The following SLC35F3 variants were observed in gnomAD, a reference collection of about 807,000 sequenced individuals.
SLC35F3 encodes the protein putative thiamine transporter SLC35F3.
Under a neutral mutation model 49.9 loss-of-function variants are expected in SLC35F3, and 25 were observed. That is an observed-to-expected ratio of 0.50 (90% CI 0.37 to 0.70). The LOEUF is 0.70. Ranked by LOEUF, SLC35F3 falls within the 30% of genes least tolerant of loss-of-function variation. The pLI, the probability that SLC35F3 is intolerant of heterozygous loss-of-function variation, is 0.00. For synonymous variants in SLC35F3, 275 were observed against 265.4 expected, an observed-to-expected ratio of 1.04 and a Z score of -0.35; for missense variants, 525 against 639.8, an observed-to-expected ratio of 0.82 and a Z score of 1.94.
chr1:234,322,239 TG>T (rs1238685366), intron 7 of SLC35F3, among the ~76,000 whole-genome samples: 1 of 150,330 alleles, frequency 6.7e-6, no homozygotes, highest in African/African-American at 2.4e-5. Flanking sequence ...ATGTAGAGAA[TG>T]GGGGCACAAA....
chr1:234,069,711 C>T (rs1664684679), intron 2 of SLC35F3, among the ~76,000 whole-genome samples: 1 of 152,160 alleles, frequency 6.6e-6, no homozygotes, highest in Non-Finnish European at 1.5e-5. Flanking sequence ...TCCCAAAGTC[C>T]CTGAGGTAGT....
intron 5 of SLC35F3, among the ~76,000 whole-genome samples, chr1:234,318,222 A>T (rs1305124848): frequency 6.6e-6 from 1 of 152,226 alleles, no homozygotes; most frequent in Admixed American, 6.5e-5. Context: ...TGTGCAAAAA[A>T]AGAACAGGTG....
intron 3 of SLC35F3, among the ~76,000 whole-genome samples, chr1:234,263,725 C>T (rs961522966): frequency 2.0e-5 from 3 of 152,230 alleles, no homozygotes; most frequent in Admixed American, 6.5e-5. Flanking sequence ...AGACAGCCAA[C>T]ACTTGAGATT....
chr1:234,025,601 G>A (rs1663965479), intron 2 of SLC35F3, among the ~76,000 whole-genome samples: 1 of 152,018 alleles, frequency 6.6e-6, no homozygotes, highest in African/African-American at 2.4e-5. Context: ...TATATTTGTT[G>A]GCCAGATGTA....
At chr1:234,174,621 A>C (rs1424863597) in intron 2 of SLC35F3, among the ~76,000 whole-genome samples, 1 of 152,106 alleles carries the variant, frequency 6.6e-6, no homozygotes, top group African/African-American at 2.4e-5. Context: ...GTTCCACTCC[A>C]CTGCGTGTAT....
intron 2 of SLC35F3, among the ~76,000 whole-genome samples, chr1:234,177,955 A>G (rs1666500601): frequency 6.6e-6 from 1 of 152,356 alleles, no homozygotes; most frequent in African/African-American, 2.4e-5. Flanking sequence ...CCGCCAAACA[A>G]GAACATCAGC....
At chr1:234,223,733 A>C (rs1029331281) in intron 2 of SLC35F3, among the ~76,000 whole-genome samples, 2 of 152,024 alleles carry the variant, frequency 1.3e-5, no homozygotes, top group African/African-American at 4.8e-5. Context: ...AGCACAGTAC[A>C]CTCTCTACTG....
chr1:233,947,497 C>T lies in SLC35F3; in HGVS notation c.283+41739C>T, dbSNP rs112925805. Among the ~76,000 whole-genome samples, 845 of 150,680 alleles carry T rather than the reference C, an allele frequency of 5.6e-3. 10 individuals are homozygous for T. The highest frequency in any genetic ancestry group is 0.019 in the African/African-American group (789 of 41,024). On this transcript the variant is annotated intron_variant, in intron 2 of 7. Transcript: ENST00000366618. ...CCATCTTCGATCCTGCTGGGACTCC[C>T]AGGAGGGATTTCCATGTCAGTCTCA...
At chr1:234,266,880 T>TG (rs1481425368) in intron 3 of SLC35F3, among the ~76,000 whole-genome samples, 4 of 148,598 alleles carry the variant, frequency 2.7e-5, no homozygotes, top group South Asian at 2.2e-4. Context: ...ATGGTTTTTT[T>TG]TTTTTTTTTT....
rs1667095548 is a variant in SLC35F3, at chr1:234,214,699, C to T, written c.284-16718C>T. ...GGTACTGCTCCCCCAGGACGCGGCT[C>T]CGCAGTGCAGAGCGCCGCCGCCTGC... On this transcript the variant is annotated intron_variant, in intron 2 of 7. Transcript: ENST00000366618. The surrounding 1 kb of genome is among the most constrained non-coding windows in gnomAD (Gnocchi z 8.0). 1.5e-6 allele frequency: 2 copies of T among 1,302,000 alleles called. No homozygotes were observed. The highest frequency in any genetic ancestry group is 1.8e-5 in the South Asian group (1 of 56,844). The allele number at this position is 1,302,000 out of a possible 1,614,324, so 80.7% of individuals were successfully genotyped here. A position where few individuals can be genotyped will look rare whatever the true frequency, so the allele number is the denominator to read the frequency against.
chr1:233,950,252 G>C (rs1156616375), intron 2 of SLC35F3, among the ~76,000 whole-genome samples: 1 of 151,720 alleles, frequency 6.6e-6, no homozygotes, highest in Non-Finnish European at 1.5e-5. Flanking sequence ...CTGGCGTGGT[G>C]GCAGGTGCCT....
At chr1:234,058,291 A>G (rs1664484943) in intron 2 of SLC35F3, among the ~76,000 whole-genome samples, 1 of 116,326 alleles carries the variant, frequency 8.6e-6, no homozygotes. Flanking sequence ...AGTCTCACTT[A>G]GTTATGGTGT....
rs1321387416 is a variant in SLC35F3 at position 234,309,243 on chromosome 1, G to C, written c.751G>C (p.Val251Leu). ...GAAAATAAACACTACGGATGTCTCC[G>C]TGTTGTTCTGCTGCAACAAAGCTTT... ...IKKINTTDVS[V>L]LFCCNKAFVF... The change falls in exon 4 of 8, where the codon GTG becomes CTG. Residue 251 changes from valine to leucine, a missense_variant. Around this residue, in one of 4 missense-constraint regions of SLC35F3, gnomAD observed 216 missense variants for 298.1 expected, o/e 0.72. Coordinates refer to ENST00000366618, the MANE Select transcript of SLC35F3 (RefSeq NM_173508.4). 2 of 1,614,210 alleles carry C rather than the reference G, an allele frequency of 1.2e-6. No individual in the cohort carries two copies. Among genetic ancestry groups the C allele is most frequent in the Non-Finnish European group, 1.7e-6 (2 of 1,180,030 alleles).
intron 2 of SLC35F3, among the ~76,000 whole-genome samples, chr1:233,942,606 G>A (rs540526751): frequency 1.3e-5 from 2 of 152,136 alleles, no homozygotes; most frequent in African/African-American, 4.8e-5. Flanking sequence ...TAGAGATAGA[G>A]TTTCACCATA....
chr1:234,283,008 C>G (rs911417044), intron 3 of SLC35F3, among the ~76,000 whole-genome samples: 1 of 152,218 alleles, frequency 6.6e-6, no homozygotes, highest in Non-Finnish European at 1.5e-5. Flanking sequence ...CCACGAGGTG[C>G]TGTTCTTTCT....
chr1:233,948,848 GT>G (rs1662559539), intron 2 of SLC35F3, among the ~76,000 whole-genome samples: 1 of 151,990 alleles, frequency 6.6e-6, no homozygotes. Context: ...TTACTGAGAG[GT>G]AAGGCGTTTC....
At chr1:234,139,969 TAA>T (rs1262523459) in intron 2 of SLC35F3, among the ~76,000 whole-genome samples, 1 of 134,196 alleles carries the variant, frequency 7.5e-6, no homozygotes, top group Non-Finnish European at 1.6e-5. Context: ...TAAAATAAAA[TAA>T]AATAAAATAA....
chr1:233,905,030 C>G lies in SLC35F3; in HGVS notation c.-48C>G. ...GCTGCAGGGAGCTCCGGCCCGCGGCCCCTCCGCCTCAAGTCTGGGAGCTGC... is the reference window on the plus strand; with the variant it reads ...GCTGCAGGGAGCTCCGGCCCGCGGCGCCTCCGCCTCAAGTCTGGGAGCTGC... On this transcript the variant is annotated 5_prime_UTR_variant, in exon 1 of 8. Transcript: ENST00000366618. 1 of 1,541,572 alleles carries G rather than the reference C, an allele frequency of 6.5e-7. No individual in the cohort carries two copies. Among genetic ancestry groups the G allele is most frequent in the South Asian group, 1.2e-5 (1 of 82,958 alleles).
intron 2 of SLC35F3, among the ~76,000 whole-genome samples, chr1:234,227,713 A>C (rs1667310315): frequency 6.6e-6 from 1 of 152,142 alleles, no homozygotes; most frequent in Non-Finnish European, 1.5e-5. Flanking sequence ...TGCCTCTTTC[A>C]ACTGTGATAA....
Sources: gnomAD v4.1 joint callset for allele counts (sites outside exome capture counted in the v4.1 genomes callset) on GRCh38, gnomAD v4.1.1 for gene constraint, gnomAD v4.1.1 regional missense constraint, Gnocchi (gnomAD v3.1) non-coding constraint, MANE v1.5 for transcripts, NCBI Gene and HGNC (gene_info 2026-07-23, HGNC 2026-07-21) for gene names.